The following DEPDC5 variants were observed in gnomAD, a reference collection of about 807,000 sequenced individuals.
DEPDC5 encodes GATOR1 complex protein DEPDC5.
DEPDC5 carries 73 observed loss-of-function variants against 217.3 expected under a neutral mutation model. The observed-to-expected ratio is 0.34, with a 90% confidence interval of 0.28 to 0.41. The LOEUF (loss-of-function observed/expected upper bound fraction) is 0.41, where lower values mean the gene tolerates loss of function less well. Ranked by LOEUF, DEPDC5 falls within the 10% of genes least tolerant of loss-of-function variation. DEPDC5 has a pLI of 1.00. For synonymous variants in DEPDC5, 733 were observed against 756.7 expected, an observed-to-expected ratio of 0.97 and a Z score of 0.51; for missense variants, 1,675 against 2,070.1, an observed-to-expected ratio of 0.81 and a Z score of 3.70.
chr22:31,828,185 T>G (rs1259256783), intron 24 of DEPDC5, among the ~76,000 whole-genome samples: 1 of 152,226 alleles, frequency 6.6e-6, no homozygotes, highest in African/African-American at 2.4e-5. Context: ...GCACAGTGGC[T>G]CACGCCTGTA....
At chr22:31,789,531 G>A (rs2085394277) in intron 10 of DEPDC5, among the ~76,000 whole-genome samples, 1 of 152,168 alleles carries the variant, frequency 6.6e-6, no homozygotes, top group African/African-American at 2.4e-5. Context: ...TGATGAAAAT[G>A]TTTTGGATCC....
chr22:31,847,068 A>G lies in DEPDC5; in HGVS notation c.3155+101A>G, dbSNP rs1361116075. The G allele has an allele frequency of 5.9e-6, 9 of 1,528,634 alleles. No individual in the cohort carries two copies. The African/African-American group carries it at 1.1e-4, about 19-fold the overall frequency. 94.7% of individuals were successfully genotyped at this position (1,528,634 alleles called of 1,614,324 possible). A position where few individuals can be genotyped will look rare whatever the true frequency, so the allele number is the denominator to read the frequency against. ...GGGGTGAAATATTTCCTTTACAAGG[A>G]GCTTGTAATTAGGGAGAAGGCATTT... On this transcript the variant is annotated intron_variant, in intron 31 of 42. Coordinates refer to ENST00000651528, the MANE Select transcript of DEPDC5 (RefSeq NM_001242896.3).
At chr22:31,792,176 C>T in intron 11 of DEPDC5, 74 bp downstream of exon 11, 1 of 1,130,790 alleles carries the variant, frequency 8.8e-7, no homozygotes, top group South Asian at 1.3e-5. Context: ...CATTTCCTTT[C>T]ATTTTTTTCC....
At chr22:31,874,872 G>A (rs2092947790) in intron 36 of DEPDC5, among the ~76,000 whole-genome samples, 1 of 152,154 alleles carries the variant, frequency 6.6e-6, no homozygotes, top group Non-Finnish European at 1.5e-5. Flanking sequence ...GCCTCAACCA[G>A]CTCCTTGAGA....
At chr22:31,839,026 G>C (rs1158800413) in intron 27 of DEPDC5, among the ~76,000 whole-genome samples, 181 bp downstream of exon 27, 1 of 152,142 alleles carries the variant, frequency 6.6e-6, no homozygotes, top group Non-Finnish European at 1.5e-5. Context: ...TATTTTAAAT[G>C]CTCTCTTTAA....
intron 38 of DEPDC5, among the ~76,000 whole-genome samples, chr22:31,891,878 A>C (rs1224921000): frequency 6.6e-6 from 1 of 152,206 alleles, no homozygotes; most frequent in Non-Finnish European, 1.5e-5. Context: ...TTAGGGCCTT[A>C]GCCTGGTCAG....
rs200044833 is a variant in DEPDC5 at position 31,798,680 on chromosome 22, G to A, written c.946+24G>A. 7 of 1,605,284 alleles carry A rather than the reference G, an allele frequency of 4.4e-6. No homozygotes were observed. In the Admixed American group the frequency reaches 1.2e-4, roughly 27 times the overall value. ...TGGTGAGTAAGGATGCCGGCCATGA[G>A]CCAGCATCTTGCCTACCACATGGCT... On this transcript the variant is annotated intron_variant, in intron 14 of 42. Transcript: ENST00000651528.
rs183204694 is a variant in DEPDC5 at position 31,849,650 on chromosome 22, A to C, written c.3155+2683A>C. On this transcript the variant is annotated intron_variant, in intron 31 of 42. Coordinates refer to ENST00000651528, the MANE Select transcript of DEPDC5 (RefSeq NM_001242896.3). ...ACAAAAATTAGCCGGGCATGGTGGC[A>C]CACACCTGTAATCCCAGTGACTCAA... 5.3e-5 allele frequency among the ~76,000 whole-genome samples: 8 copies of C among 152,150 alleles called. No homozygotes were observed. In the East Asian group the frequency reaches 1.5e-3, roughly 29 times the overall value.
intron 17 of DEPDC5, among the ~76,000 whole-genome samples, chr22:31,805,506 CT>C (rs1018325994): frequency 1.2e-3 from 173 of 144,830 alleles, no homozygotes; most frequent in Non-Finnish European, 8.1e-4. Context: ...TTCTTTCTTT[CT>C]TTTTTTTTTT....
At chr22:31,875,877 C>T in intron 36 of DEPDC5, 1 of 270,742 alleles carries the variant, frequency 3.7e-6, no homozygotes, top group Non-Finnish European at 7.0e-6. Context: ...AAGTGATCCA[C>T]CCCCCTCAGC....
intron 4 of DEPDC5, among the ~76,000 whole-genome samples, chr22:31,763,299 A>G (rs770638844): frequency 1.4e-4 from 22 of 151,786 alleles, no homozygotes; most frequent in Non-Finnish European, 2.9e-4. Context: ...TAATTTTTAT[A>G]TATTTAGTAG....
chr22:31,758,694 G>A (rs1285226175), intron 3 of DEPDC5, 61 bp downstream of exon 3: 1 of 1,474,616 alleles, frequency 6.8e-7, no homozygotes, highest in South Asian at 1.1e-5. Flanking sequence ...GATGTCCAAG[G>A]CAGATAGCTC....
chr22:31,754,212 T>C (rs1247726099), intron 1 of DEPDC5, 48 bp downstream of exon 1: 1 of 153,730 alleles, frequency 6.5e-6, no homozygotes, highest in Non-Finnish European at 1.4e-5. Flanking sequence ...GGGCTTGAGA[T>C]AGGGGACCTT....
chr22:31,782,131 G>GA (rs201604603), intron 8 of DEPDC5, among the ~76,000 whole-genome samples: 34 of 149,474 alleles, frequency 2.3e-4, no homozygotes, highest in African/African-American at 4.7e-4. Context: ...TCATTTCTCT[G>GA]AAAAAAATTT....
In DEPDC5 at chr22:31,849,148, A is replaced by G. The variant is rs952863647; in HGVS notation, c.3155+2181A>G. ...TCACTGGGAAGTTCCAAACTTTCCC[A>G]CATTTTCCTGTCTTCTTCTGAGCAC... is the stretch of plus-strand genomic sequence containing the variant. On this transcript the variant is annotated intron_variant, in intron 31 of 42. Coordinates refer to ENST00000651528, the MANE Select transcript of DEPDC5 (RefSeq NM_001242896.3). 9.9e-5 allele frequency among the ~76,000 whole-genome samples: 15 copies of G among 152,154 alleles called. No homozygotes were observed. In the South Asian group the frequency reaches 1.7e-3, roughly 17 times the overall value.
chr22:31,884,990 G>A (rs1464616410), intron 38 of DEPDC5, among the ~76,000 whole-genome samples: 1 of 152,128 alleles, frequency 6.6e-6, no homozygotes, highest in African/African-American at 2.4e-5. Context: ...TCCTTACTCT[G>A]TCTCCTCTAT....
rs760696765 is a variant in DEPDC5 at position 31,819,169 on chromosome 22, G to A, written c.1814G>A (p.Arg605Gln). Residue 605 changes from arginine (R) to glutamine (Q), a missense_variant, in exon 22 of 43, where the codon CGG (arginine) becomes CAG (glutamine). This residue lies in a region of DEPDC5 where 628 missense variants were observed against 762.1 expected (regional missense o/e 0.82). Transcript: ENST00000651528. ...RALINPFAPS[R>Q]MPMKLTSNRR... ...CTGATTAACCCCTTCGCTCCCTCTC[G>A]GATGCCCATGAAGCTTACGTCCAAC... 7.4e-6 allele frequency: 12 copies of A among 1,613,982 alleles called. No homozygotes were observed. Among genetic ancestry groups the A allele is most frequent in the Admixed American group, 5.0e-5 (3 of 59,986 alleles).
At chr22:31,825,473 G>A (rs2090067681) in intron 24 of DEPDC5, among the ~76,000 whole-genome samples, 1 of 152,068 alleles carries the variant, frequency 6.6e-6, no homozygotes, top group Non-Finnish European at 1.5e-5. Context: ...TGAGCTGTAG[G>A]TGTGTCCACC....
chr22:31,805,956 T>G (rs2087481969), intron 17 of DEPDC5, among the ~76,000 whole-genome samples, 166 bp from the exon 18 acceptor site: 1 of 152,164 alleles, frequency 6.6e-6, no homozygotes, highest in Non-Finnish European at 1.5e-5. Flanking sequence ...ACATAACTAA[T>G]GTTTTGTAGT....
Sources: gnomAD v4.1 joint callset for allele counts (sites outside exome capture counted in the v4.1 genomes callset) on GRCh38, gnomAD v4.1.1 for gene constraint, gnomAD v4.1.1 regional missense constraint, MANE v1.5 for transcripts, NCBI Gene and HGNC (gene_info 2026-07-23, HGNC 2026-07-21) for gene names.